Variants in PCBD2 observed in about 807,000 individuals in gnomAD.
The protein encoded by PCBD2 is pterin-4 alpha-carbinolamine dehydratase 2.
In PCBD2, 12 loss-of-function variants were observed where a neutral mutation model predicts 16.4. That is an observed-to-expected ratio of 0.73 (90% confidence interval 0.47 to 1.19). PCBD2 has a LOEUF of 1.19. Ranked by LOEUF, PCBD2 falls within the 50% of genes most tolerant of loss-of-function variation. The probability of loss-of-function intolerance (pLI) is 0.00; values close to 1 mark genes in which losing one functional copy is unlikely to be tolerated. For missense variants in PCBD2, 138 were observed against 156.8 expected, an observed-to-expected ratio of 0.88 and a Z score of 0.64; for synonymous variants, 58 against 61.8, an observed-to-expected ratio of 0.94 and a Z score of 0.29.
At chr5:134,939,898 G>C (rs569448188) in intron 2 of PCBD2, among the ~76,000 whole-genome samples, 1 of 151,900 alleles carries the variant, frequency 6.6e-6, no homozygotes, top group African/African-American at 2.4e-5. Flanking sequence ...GTAATTGCTG[G>C]CATAAGGAGA....
chr5:134,909,334 A>G (rs899378307), intron 1 of PCBD2, among the ~76,000 whole-genome samples: 2 of 152,226 alleles, frequency 1.3e-5, no homozygotes, highest in Non-Finnish European at 2.9e-5. Flanking sequence ...AGTCCAGAGG[A>G]TCTGTGGACC....
chr5:134,907,303 G>A (rs74371995), intron 1 of PCBD2, among the ~76,000 whole-genome samples: 2,671 of 152,300 alleles, frequency 0.018, 78 homozygotes, highest in African/African-American at 0.062. Context: ...GGAGTGCAGT[G>A]GTGCGGTCTT....
chr5:134,914,972 T>G (rs1015816580), intron 2 of PCBD2, among the ~76,000 whole-genome samples: 7 of 152,154 alleles, frequency 4.6e-5, no homozygotes, highest in Non-Finnish European at 8.8e-5. Flanking sequence ...TGCACCCAGT[T>G]GACATCATCT....
chr5:134,917,379 T>G (rs1211894684), intron 2 of PCBD2, among the ~76,000 whole-genome samples: 2 of 152,238 alleles, frequency 1.3e-5, no homozygotes, highest in Non-Finnish European at 2.9e-5. Context: ...AGCATGGAAA[T>G]AAGCTCAGGA....
At chr5:134,935,997 G>T (rs928148456) in intron 2 of PCBD2, among the ~76,000 whole-genome samples, 12 of 152,138 alleles carry the variant, frequency 7.9e-5, no homozygotes, top group Non-Finnish European at 1.3e-4. Context: ...CGGCAGCCAA[G>T]AATTATTATG....
intron 2 of PCBD2, among the ~76,000 whole-genome samples, chr5:134,932,176 T>C (rs1356183716): frequency 6.6e-6 from 1 of 152,154 alleles, no homozygotes; most frequent in Non-Finnish European, 1.5e-5. Context: ...CAATTTTTTT[T>C]TGTTTCTTTT....
At chr5:134,924,609 G>T in intron 2 of PCBD2, 1 of 398,630 alleles carries the variant, frequency 2.5e-6, no homozygotes, top group Non-Finnish European at 4.4e-6. Flanking sequence ...ATTGTTTGTT[G>T]GTGTGTATAT....
chr5:134,958,492 C>T (rs1401609870), intron 2 of PCBD2, among the ~76,000 whole-genome samples: 1 of 152,216 alleles, frequency 6.6e-6, no homozygotes, highest in Non-Finnish European at 1.5e-5. Context: ...CTGTTTCACT[C>T]TAGGTGCCAA....
rs58911694 is a variant in PCBD2 at position 134,962,072 on chromosome 5, TTGTGTGTG to T, written c.*1419_*1426del. Reference sequence around the variant, plus strand: ...CATTGCCCCCAGCCAGTATAACAGTTTGTGTGTGTGTGTGTGTGTGTGTGTGTGTGTGT... The same window carrying T: ...CATTGCCCCCAGCCAGTATAACAGTTTGTGTGTGTGTGTGTGTGTGTGTGT... On this transcript the variant is annotated 3_prime_UTR_variant, in exon 4 of 4. Transcript: ENST00000254908. Among the ~76,000 whole-genome samples, 19 of 140,590 alleles carry T rather than the reference TTGTGTGTG, an allele frequency of 1.4e-4. No individual in the cohort carries two copies. The South Asian group carries it at 2.4e-3, about 17-fold the overall frequency. 92.2% of individuals were successfully genotyped at this position (140,590 alleles called of 152,430 possible). A position where few individuals can be genotyped will look rare whatever the true frequency, so the allele number is the denominator to read the frequency against.
rs530103039 is a variant in PCBD2 at position 134,961,262 on chromosome 5, T to A, written c.*581T>A. On this transcript the variant is annotated 3_prime_UTR_variant, in exon 4 of 4. Coordinates refer to ENST00000254908, the MANE Select transcript of PCBD2 (RefSeq NM_032151.5). ...TAAGATAAACCAACCCAGTTACTTA[T>A]ATTAATAATATTCAGAAAGAGAAGT... The A allele has an allele frequency of 1.3e-5, 2 of 151,992 alleles. No homozygotes were observed. Among genetic ancestry groups the A allele is most frequent in the South Asian group, 2.1e-4 (1 of 4,822 alleles). 9.4% of individuals were successfully genotyped at this position (151,992 alleles called of 1,614,324 possible).
In PCBD2 at chr5:134,927,687, A is replaced by G. The variant is rs539215534; in HGVS notation, c.216+17221A>G. On this transcript the variant is annotated intron_variant, in intron 2 of 3. Coordinates refer to ENST00000254908, the MANE Select transcript of PCBD2 (RefSeq NM_032151.5). The stretch of plus-strand genomic sequence containing the variant: ...TGTGGTTTCGAAGAAGATATAAAAT[A>G]TGATTAGTTCTATGGCTGTGAATGT... The G allele has an allele frequency of 4.0e-3, 1,612 of 398,210 alleles. 18 individuals are homozygous for G. The highest frequency in any genetic ancestry group is 0.03 in the African/African-American group (1,483 of 48,632). 24.7% of individuals were successfully genotyped at this position (398,210 alleles called of 1,614,324 possible).
At position 134,948,735 on chromosome 5, in the gene PCBD2, T is replaced by A. The variant is rs78655682; in HGVS notation, c.217-10305T>A. ...GACTTGAAGCTTTTTTTTTTTTTTT[T>A]AAAAGGCTCTAAAATGCTACAGTAT... On this transcript the variant is annotated intron_variant, in intron 2 of 3. Transcript: ENST00000254908. 2.0e-4 allele frequency among the ~76,000 whole-genome samples: 26 copies of A among 132,974 alleles called. No homozygotes were observed. The South Asian group carries it at 3.8e-3, about 20-fold the overall frequency. 87.2% of individuals were successfully genotyped at this position (132,974 alleles called of 152,430 possible).
chr5:134,958,545 A>C (rs141548378), intron 2 of PCBD2, among the ~76,000 whole-genome samples: 2 of 152,346 alleles, frequency 1.3e-5, no homozygotes, highest in African/African-American at 4.8e-5. Flanking sequence ...GGTGAGATGA[A>C]GAAGTTGTTC....
At chr5:134,959,408 G>A (rs1050433829) in intron 3 of PCBD2, among the ~76,000 whole-genome samples, 2 of 152,118 alleles carry the variant, frequency 1.3e-5, no homozygotes, top group Admixed American at 6.6e-5. Context: ...ATGCAGATAC[G>A]TTTCAAAACT....
intron 2 of PCBD2, among the ~76,000 whole-genome samples, chr5:134,944,583 A>G (rs1440141008): frequency 1.3e-5 from 2 of 152,092 alleles, no homozygotes; most frequent in Admixed American, 1.3e-4. Flanking sequence ...ACTGTGGTTT[A>G]TAACACCACA....
intron 2 of PCBD2, among the ~76,000 whole-genome samples, chr5:134,953,941 C>G (rs1751387078): frequency 6.6e-6 from 1 of 151,952 alleles, no homozygotes; most frequent in East Asian, 1.9e-4. Flanking sequence ...ATTTTTCAGT[C>G]CTAGTGCTTA....
At chr5:134,943,177 A>G (rs1217993332) in intron 2 of PCBD2, among the ~76,000 whole-genome samples, 3 of 152,214 alleles carry the variant, frequency 2.0e-5, no homozygotes, top group Non-Finnish European at 4.4e-5. Flanking sequence ...GCTTGATGAC[A>G]TTCACATTAT....
chr5:134,931,948 T>TC (rs1751103834), intron 2 of PCBD2, among the ~76,000 whole-genome samples: 1 of 152,246 alleles, frequency 6.6e-6, no homozygotes, highest in Non-Finnish European at 1.5e-5. Flanking sequence ...TAATACTGGA[T>TC]TGATCAATGA....
chr5:134,931,316 T>G (rs1454856246), intron 2 of PCBD2, among the ~76,000 whole-genome samples: 1 of 152,182 alleles, frequency 6.6e-6, no homozygotes, highest in African/African-American at 2.4e-5. Flanking sequence ...AAATGTTGCT[T>G]TAAGGTCATT....
Sources: allele counts gnomAD v4.1 joint callset (sites outside exome capture counted in the v4.1 genomes callset), GRCh38; gene constraint gnomAD v4.1.1; transcripts MANE v1.5; gene names NCBI Gene and HGNC (gene_info 2026-07-23, HGNC 2026-07-21).